The following LRRTM4 variants were observed in gnomAD, a reference collection of about 807,000 sequenced individuals.
The protein encoded by LRRTM4 is leucine-rich repeat transmembrane neuronal protein 4.
A neutral mutation model predicts 47.6 loss-of-function variants in LRRTM4; 25 were observed. The observed-to-expected ratio is 0.53, with a 90% CI of 0.38 to 0.73. The LOEUF (loss-of-function observed/expected upper bound fraction) is 0.73, where lower values mean the gene tolerates loss of function less well. Ranked by LOEUF, LRRTM4 falls within the 30% of genes least tolerant of loss-of-function variation. LRRTM4 has a pLI of 0.00. For synonymous variants in LRRTM4, 311 were observed against 269.5 expected (o/e 1.15, Z -1.51); for missense variants, 638 against 713.4 (o/e 0.89, Z 1.20).
At chr2:77,442,314 T>C (rs928129427) in intron 3 of LRRTM4, among the ~76,000 whole-genome samples, 3 of 152,190 alleles carry the variant, frequency 2.0e-5, no homozygotes, top group Admixed American at 6.6e-5. Flanking sequence ...TGTATTTTCT[T>C]TGGCAGTCTT....
intron 3 of LRRTM4, among the ~76,000 whole-genome samples, chr2:76,873,270 G>A (rs1672679228): frequency 6.6e-6 from 1 of 151,796 alleles, no homozygotes. Context: ...AAACCCATTT[G>A]CAATATAGTG....
chr2:77,057,192 G>A (rs1345011589), intron 3 of LRRTM4, among the ~76,000 whole-genome samples: 2 of 152,088 alleles, frequency 1.3e-5, no homozygotes, highest in Non-Finnish European at 2.9e-5. Flanking sequence ...AAGATTACCA[G>A]ACATTTATGC....
intron 3 of LRRTM4, among the ~76,000 whole-genome samples, chr2:77,068,685 CACT>C (rs144260055): frequency 0.04 from 6,036 of 152,272 alleles, 237 homozygotes; most frequent in African/African-American, 0.095. Flanking sequence ...TGTGTGGATA[CACT>C]ACATTTTGAA....
intron 3 of LRRTM4, among the ~76,000 whole-genome samples, chr2:77,066,199 T>C (rs757911484): frequency 8.5e-5 from 13 of 152,158 alleles, no homozygotes; most frequent in Non-Finnish European, 1.6e-4. Context: ...CCTGGTTCTA[T>C]TAATTTCTAT....
rs143051025 is a variant in LRRTM4 at position 77,243,145 on chromosome 2, G to C, written c.1551+275173C>G. On this transcript the variant is annotated intron_variant, in intron 3 of 3. Transcript: ENST00000409884. The stretch of plus-strand genomic sequence containing the variant: ...AAGATAAATACGGCCAGGCACGGTG[G>C]CTCACGCCTGTAATCCCAGCACTTT... 8.7e-3 allele frequency among the ~76,000 whole-genome samples: 1,319 copies of C among 152,284 alleles called. 9 individuals are homozygous for C. Among genetic ancestry groups the C allele is most frequent in the Non-Finnish European group, 0.014 (948 of 68,006 alleles).
At chr2:77,381,335 T>C (rs1426586502) in intron 3 of LRRTM4, among the ~76,000 whole-genome samples, 1 of 152,130 alleles carries the variant, frequency 6.6e-6, no homozygotes, top group East Asian at 1.9e-4. Flanking sequence ...AAAATATTAG[T>C]GAATTTGATT....
rs1000062493 is a variant in LRRTM4 at position 77,497,976 on chromosome 2, T to C, written c.1551+20342A>G. Among the ~76,000 whole-genome samples the C allele has an allele frequency of 2.0e-5, 3 of 151,982 alleles. No homozygotes were observed. In the East Asian group the frequency reaches 5.8e-4, roughly 29 times the overall value. On this transcript the variant is annotated intron_variant, in intron 3 of 3. Transcript: ENST00000409884. ...CAAAGTAATAAGAGAATCATTATCT[T>C]ATACATATAAATACAGATTGACATA...
intron 3 of LRRTM4, among the ~76,000 whole-genome samples, chr2:77,016,882 T>A (rs1448523355): frequency 1.3e-5 from 2 of 152,172 alleles, no homozygotes; most frequent in Non-Finnish European, 2.9e-5. Context: ...ATTGACTTTT[T>A]TTTTTTTAAT....
intron 3 of LRRTM4, among the ~76,000 whole-genome samples, chr2:76,980,119 A>G (rs1305880479): frequency 6.6e-6 from 1 of 152,092 alleles, no homozygotes; most frequent in Non-Finnish European, 1.5e-5. Context: ...CTAAAATATT[A>G]CAAGTATCCA....
chr2:76,791,963 G>A (rs115519439), intron 3 of LRRTM4, among the ~76,000 whole-genome samples: 1,799 of 152,240 alleles, frequency 0.012, 36 homozygotes, highest in African/African-American at 0.04. Context: ...TCATGTTTTT[G>A]TATCAGATCT....
intron 3 of LRRTM4, among the ~76,000 whole-genome samples, chr2:76,807,451 T>TAC (rs1558667547): frequency 2.0e-5 from 2 of 98,798 alleles, no homozygotes; most frequent in African/African-American, 1.1e-4. Flanking sequence ...TATACATATA[T>TAC]ATATATACAT....
At chr2:77,029,611 A>G (rs922181478) in intron 3 of LRRTM4, among the ~76,000 whole-genome samples, 14 of 152,326 alleles carry the variant, frequency 9.2e-5, no homozygotes, top group African/African-American at 2.6e-4. Context: ...GTTGACACTC[A>G]ATATTAGCCA....
chr2:76,796,913 GA>G (rs1274711033), intron 3 of LRRTM4, among the ~76,000 whole-genome samples: 1 of 151,994 alleles, frequency 6.6e-6, no homozygotes, highest in Non-Finnish European at 1.5e-5. Context: ...GAAGTTTAGA[GA>G]AAAAAGAATA....
At chr2:77,070,061 A>T (rs974419694) in intron 3 of LRRTM4, among the ~76,000 whole-genome samples, 3 of 152,130 alleles carry the variant, frequency 2.0e-5, no homozygotes, top group African/African-American at 7.2e-5. Context: ...ATATATATAT[A>T]TATAAAATCG....
intron 3 of LRRTM4, among the ~76,000 whole-genome samples, chr2:76,839,220 A>G (rs182974953): frequency 1.3e-5 from 2 of 152,254 alleles, no homozygotes; most frequent in East Asian, 1.9e-4. Context: ...TGGGGAGTCA[A>G]TGAGGTAGAG....
chr2:77,154,472 C>G (rs1269090327), intron 3 of LRRTM4, among the ~76,000 whole-genome samples: 1 of 152,038 alleles, frequency 6.6e-6, no homozygotes, highest in Admixed American at 6.6e-5. Flanking sequence ...CTAATTATAA[C>G]TAGTATAGGC....
At chr2:77,217,331 T>G (rs2103937466) in intron 3 of LRRTM4, among the ~76,000 whole-genome samples, 1 of 143,754 alleles carries the variant, frequency 7.0e-6, no homozygotes, top group South Asian at 2.2e-4. Context: ...GGCTTGTGTC[T>G]GGTTATTAAT....
At chr2:77,183,533 G>A (rs962961641) in intron 3 of LRRTM4, among the ~76,000 whole-genome samples, 4 of 152,102 alleles carry the variant, frequency 2.6e-5, no homozygotes, top group African/African-American at 9.7e-5. Context: ...CAATTCCTCA[G>A]GGATCTAGAA....
chr2:76,809,775 T>C (rs1226026343), intron 3 of LRRTM4, among the ~76,000 whole-genome samples: 1 of 152,206 alleles, frequency 6.6e-6, no homozygotes, highest in Non-Finnish European at 1.5e-5. Flanking sequence ...TTTTCTCTGC[T>C]TTCTCATGTG....
Sources: allele counts gnomAD v4.1 joint callset (sites outside exome capture counted in the v4.1 genomes callset), GRCh38; gene constraint gnomAD v4.1.1; transcripts MANE v1.5; gene names NCBI Gene and HGNC (gene_info 2026-07-23, HGNC 2026-07-21).